Variants in GOPC observed in about 807,000 individuals in gnomAD.
GOPC encodes Golgi-associated PDZ and coiled-coil motif-containing protein.
A neutral mutation model predicts 51.2 loss-of-function variants in GOPC; 32 were observed. The observed-to-expected ratio is 0.63, with a 90% CI of 0.47 to 0.84. The LOEUF (loss-of-function observed/expected upper bound fraction) is 0.84, where lower values mean the gene tolerates loss of function less well. Among genes scored for constraint, GOPC ranks in the 40% least tolerant of loss-of-function variants. The pLI is 0.00. For missense variants in GOPC, 441 were observed against 555.5 expected, an observed-to-expected ratio of 0.79 and a Z score of 2.07; for synonymous variants, 190 against 205.1, an observed-to-expected ratio of 0.93 and a Z score of 0.63.
intron 3 of GOPC, among the ~76,000 whole-genome samples, chr6:117,575,843 T>C (rs1481609535): frequency 6.6e-6 from 1 of 152,206 alleles, no homozygotes; most frequent in Non-Finnish European, 1.5e-5. Flanking sequence ...AAGACATTAT[T>C]CCCTATACCC....
At chr6:117,595,248 G>A (rs1041031085) in intron 1 of GOPC, among the ~76,000 whole-genome samples, 1 of 152,200 alleles carries the variant, frequency 6.6e-6, no homozygotes, top group African/African-American at 2.4e-5. Context: ...CTTGGCGTCA[G>A]TTAGTCTAAA....
intron 1 of GOPC, among the ~76,000 whole-genome samples, chr6:117,591,292 G>C (rs552784670): frequency 1.1e-4 from 17 of 152,176 alleles, no homozygotes; most frequent in Non-Finnish European, 1.6e-4. Context: ...CAAACAAAAA[G>C]CTCCTAGAAA....
chr6:117,590,013 C>G, intron 1 of GOPC, among the ~76,000 whole-genome samples: 1 of 152,140 alleles, frequency 6.6e-6, no homozygotes, highest in East Asian at 1.9e-4. Context: ...AATAAATGAA[C>G]CTGAAGATCA....
intron 1 of GOPC, among the ~76,000 whole-genome samples, chr6:117,586,591 T>C (rs771411524): frequency 2.6e-5 from 4 of 151,058 alleles, no homozygotes; most frequent in African/African-American, 4.9e-5. Context: ...CGCCATTCTC[T>C]TGCCTCAGCC....
At chr6:117,595,198 G>C (rs1780179461) in intron 1 of GOPC, among the ~76,000 whole-genome samples, 1 of 152,148 alleles carries the variant, frequency 6.6e-6, no homozygotes. Flanking sequence ...GCACTATAAG[G>C]TATGACTTAT....
chr6:117,600,915 A>G (rs1280230861), intron 1 of GOPC, among the ~76,000 whole-genome samples: 4 of 152,254 alleles, frequency 2.6e-5, no homozygotes, highest in African/African-American at 9.6e-5. Flanking sequence ...TGTTAATCAA[A>G]GATTAATTAT....
intron 1 of GOPC, among the ~76,000 whole-genome samples, chr6:117,582,591 A>G (rs1257503362): frequency 2.0e-5 from 3 of 151,498 alleles, no homozygotes; most frequent in Non-Finnish European, 4.4e-5. Flanking sequence ...CACAGGCATC[A>G]TGACTTCAGA....
rs752857609 is a variant in GOPC at position 117,563,216 on chromosome 6, T to C, written c.*38A>G. Reference sequence around the variant, plus strand: ...CTTCCCCAGTGCCCCAAATTCAGAATAGTCTGATTAACAATCTTGTCTGGA... The same window carrying C: ...CTTCCCCAGTGCCCCAAATTCAGAACAGTCTGATTAACAATCTTGTCTGGA... On this transcript the variant is annotated 3_prime_UTR_variant, in exon 9 of 9. Coordinates refer to ENST00000368498, the MANE Select transcript of GOPC (RefSeq NM_020399.4). 1.3e-5 allele frequency: 21 copies of C among 1,590,082 alleles called. No individual in the cohort carries two copies. Among genetic ancestry groups the C allele is most frequent in the Middle Eastern group, 1.7e-4 (1 of 5,976 alleles).
chr6:117,565,543 C>A (rs758886991), intron 8 of GOPC, among the ~76,000 whole-genome samples: 2 of 152,042 alleles, frequency 1.3e-5, no homozygotes, highest in Admixed American at 6.6e-5. Context: ...AATATTGGAC[C>A]ATGAAGTTAT....
Position 117,563,359 on chromosome 6 carries a change from G to T in GOPC, c.1284C>A (p.Asp428Glu). Residue 428 changes from aspartate to glutamate, a missense_variant, in exon 9 of 9, where the codon GAC becomes GAA. Asp to Glu is a conservative substitution (Grantham distance 45, BLOSUM62 2). Around this residue, in one of 3 missense-constraint regions of GOPC, gnomAD observed 71 missense variants for 68.8 expected, o/e 1.03. Transcript: ENST00000368498. ...TGCCCAGGTCTCCATTTTCATGTGT[G>T]TCAGTTACTGCCTTCTTATTAAATC... ...LQGFNKKAVT[D>E]THENGDLGTA... The T allele has an allele frequency of 6.2e-7, 1 of 1,613,468 alleles. No individual in the cohort carries two copies. The highest frequency in any genetic ancestry group is 8.5e-7 in the Non-Finnish European group (1 of 1,179,644).
At chr6:117,592,317 A>T (rs537341496) in intron 1 of GOPC, among the ~76,000 whole-genome samples, 1 of 152,248 alleles carries the variant, frequency 6.6e-6, no homozygotes, top group South Asian at 2.1e-4. Flanking sequence ...CAGTGAGCCG[A>T]GATTGTGCCA....
intron 5 of GOPC, among the ~76,000 whole-genome samples, 198 bp from the exon 6 acceptor site, chr6:117,571,153 T>C (rs1161570291): frequency 5.9e-5 from 9 of 152,140 alleles, no homozygotes; most frequent in Non-Finnish European, 1.5e-5. Flanking sequence ...TTATAGATGA[T>C]ATTCTCACCC....
intron 3 of GOPC, among the ~76,000 whole-genome samples, chr6:117,576,656 G>A (rs1779884630): frequency 6.6e-6 from 1 of 152,044 alleles, no homozygotes; most frequent in South Asian, 2.1e-4. Context: ...ACTCACTGGG[G>A]TTTTAATGAT....
At chr6:117,572,801 A>T (rs2114610262) in intron 5 of GOPC, among the ~76,000 whole-genome samples, 1 of 152,336 alleles carries the variant, frequency 6.6e-6, no homozygotes, top group South Asian at 2.1e-4. Flanking sequence ...AATTCTTCTT[A>T]CAAAAATCTT....
chr6:117,573,424 GAAAGA>G (rs1364918837), intron 5 of GOPC, 38 bp downstream of exon 5: 1 of 1,575,020 alleles, frequency 6.3e-7, no homozygotes, highest in Non-Finnish European at 8.6e-7. Context: ...ATTAAAGAAA[GAAAGA>G]AGAGGCTGGG....
Position 117,563,304 on chromosome 6 carries a change from C to T in GOPC, c.1339G>A (p.Ala447Thr). 1 of 1,613,164 alleles carries T rather than the reference C, an allele frequency of 6.2e-7. No individual in the cohort carries two copies. The highest frequency in any genetic ancestry group is 8.5e-7 in the Non-Finnish European group (1 of 1,179,274). The change falls in exon 9 of 9, where the codon GCT (alanine) becomes ACT (threonine). Residue 447 changes from alanine (A) to threonine (T), a missense_variant. Coordinates refer to ENST00000368498, the MANE Select transcript of GOPC (RefSeq NM_020399.4). ...TASETPLDDG[A>T]SKLDDLHTLY... ...GTGTGCAGATCATCTAATTTTGAAG[C>T]ACCGTCATCTAGCGGAGTTTCACTT... is the stretch of plus-strand genomic sequence containing the variant.
rs1286676005 is a variant in GOPC, at chr6:117,563,323, T to A, written c.1320A>T (p.Glu440Asp). ...HENGDLGTAS[E>D]TPLDDGASKL... Reference sequence around the variant, plus strand: ...TTGAAGCACCGTCATCTAGCGGAGTTTCACTTGCAGTGCCCAGGTCTCCAT... The same window carrying A: ...TTGAAGCACCGTCATCTAGCGGAGTATCACTTGCAGTGCCCAGGTCTCCAT... The change falls in exon 9 of 9, where the codon GAA becomes GAT. Residue 440 changes from glutamate to aspartate, a missense_variant. This residue lies in a region of GOPC where 71 missense variants were observed against 68.8 expected (regional missense o/e 1.03). Coordinates refer to ENST00000368498, the MANE Select transcript of GOPC (RefSeq NM_020399.4). The A allele has an allele frequency of 6.2e-7, 1 of 1,613,470 alleles. No homozygotes were observed. The highest frequency in any genetic ancestry group is 8.5e-7 in the Non-Finnish European group (1 of 1,179,482).
chr6:117,570,276 G>A (rs1221986060), intron 6 of GOPC, among the ~76,000 whole-genome samples: 1 of 150,836 alleles, frequency 6.6e-6, no homozygotes, highest in Non-Finnish European at 1.5e-5. Context: ...TAGATTAGAT[G>A]AGCTTTTTAT....
chr6:117,564,379 T>C (rs1779651305), intron 8 of GOPC, among the ~76,000 whole-genome samples: 2 of 152,206 alleles, frequency 1.3e-5, no homozygotes, highest in African/African-American at 4.8e-5. Flanking sequence ...TCATTGTTGC[T>C]TTCATATTAC....
Sources: allele counts gnomAD v4.1 joint callset (sites outside exome capture counted in the v4.1 genomes callset), GRCh38; gene constraint gnomAD v4.1.1; regional missense constraint gnomAD v4.1.1; transcripts MANE v1.5; gene names NCBI Gene and HGNC (gene_info 2026-07-23, HGNC 2026-07-21).